The following NECTIN3 variants were observed in gnomAD, a reference collection of about 807,000 sequenced individuals.
NECTIN3 encodes nectin cell adhesion molecule 3.
NECTIN3 carries 8 observed loss-of-function variants against 49.4 expected under a neutral mutation model. That is an observed-to-expected ratio of 0.16 (90% CI 0.10 to 0.29). The LOEUF is 0.29. NECTIN3 is among the 10% of genes least tolerant of loss of function. The pLI is 1.00. For synonymous variants in NECTIN3, 277 were observed against 241.1 expected (o/e 1.15, Z -1.38); for missense variants, 581 against 654.6 (o/e 0.89, Z 1.23).
chr3:111,120,080 C>T (rs995144585), intron 3 of NECTIN3, among the ~76,000 whole-genome samples: 2 of 152,108 alleles, frequency 1.3e-5, no homozygotes, highest in Non-Finnish European at 2.9e-5. Flanking sequence ...TCTGGAGAAT[C>T]GTGTTAAAAT....
intron 7 of NECTIN3, among the ~76,000 whole-genome samples, chr3:111,151,337 A>G (rs911431377): frequency 2.0e-5 from 3 of 151,916 alleles, no homozygotes; most frequent in Admixed American, 6.6e-5. Flanking sequence ...AAATTTCTGC[A>G]TCATTTATAA....
chr3:111,175,400 A>G (rs1157613288), intron 7 of NECTIN3, among the ~76,000 whole-genome samples: 2 of 151,516 alleles, frequency 1.3e-5, no homozygotes, highest in East Asian at 3.9e-4. Context: ...TTCTGTTTGT[A>G]TCAGTACCAT....
chr3:111,156,582 G>T (rs1268865215), intron 7 of NECTIN3, among the ~76,000 whole-genome samples: 1 of 152,084 alleles, frequency 6.6e-6, no homozygotes. Flanking sequence ...AAGTAGTCAT[G>T]ACCACGGTTT....
chr3:111,101,980 G>A (rs1026124765), intron 1 of NECTIN3, among the ~76,000 whole-genome samples: 1 of 152,130 alleles, frequency 6.6e-6, no homozygotes, highest in Non-Finnish European at 1.5e-5. Flanking sequence ...TCAAGGTATA[G>A]CTTAAATGTC....
chr3:111,088,368 G>C (rs2032057031), intron 1 of NECTIN3, among the ~76,000 whole-genome samples: 1 of 152,138 alleles, frequency 6.6e-6, no homozygotes, highest in Non-Finnish European at 1.5e-5. Context: ...TCAGGTATCA[G>C]AATTGTGAGC....
intron 7 of NECTIN3, among the ~76,000 whole-genome samples, chr3:111,150,711 C>CT (rs549708738): frequency 2.0e-4 from 30 of 148,386 alleles, no homozygotes; most frequent in African/African-American, 5.7e-4. Flanking sequence ...TTGCGTGAAG[C>CT]TTTTTTTTTT....
Position 111,135,164 on chromosome 3 carries a change from T to C in NECTIN3, c.*949T>C. On this transcript the variant is annotated 3_prime_UTR_variant, in exon 6 of 6. Coordinates refer to ENST00000485303, the MANE Select transcript of NECTIN3 (RefSeq NM_015480.3). ...ATAGAAAGAATTTTATGGACCATCT[T>C]GTTTTAGTTATTTAATGTTGATGTT... The C allele has an allele frequency of 2.0e-6, 2 of 982,554 alleles. No homozygotes were observed. Among genetic ancestry groups the C allele is most frequent in the Non-Finnish European group, 1.2e-6 (1 of 827,416 alleles). 60.9% of individuals were successfully genotyped at this position (982,554 alleles called of 1,614,324 possible).
intron 2 of NECTIN3, among the ~76,000 whole-genome samples, chr3:111,114,699 G>C (rs2033614580): frequency 1.3e-5 from 2 of 152,152 alleles, no homozygotes; most frequent in South Asian, 4.1e-4. Flanking sequence ...TGGTATTCTA[G>C]GATTGTGATA....
upstream of NECTIN3, among the ~76,000 whole-genome samples, chr3:111,190,321 C>T (rs975349780): frequency 1.2e-4 from 19 of 152,140 alleles, no homozygotes. Context: ...ATAACCTTGA[C>T]ATATGACATC....
intron 3 of NECTIN3, among the ~76,000 whole-genome samples, chr3:111,119,356 G>A (rs528131901): frequency 4.6e-5 from 7 of 152,152 alleles, no homozygotes; most frequent in South Asian, 4.2e-4. Context: ...TTGCTCTGCC[G>A]CCAGGCTGGA....
At chr3:111,169,372 AAAC>A (rs1427212841) in intron 7 of NECTIN3, among the ~76,000 whole-genome samples, 1 of 139,428 alleles carries the variant, frequency 7.2e-6, no homozygotes, top group African/African-American at 2.9e-5. Context: ...TTACAAACGC[AAAC>A]TTTTTTTTTT....
chr3:111,115,695 G>A (rs1446416173), intron 2 of NECTIN3, among the ~76,000 whole-genome samples: 3 of 152,132 alleles, frequency 2.0e-5, no homozygotes, highest in East Asian at 3.9e-4. Context: ...TGGGTCTGGT[G>A]TTTTTGATCA....
intron 4 of NECTIN3, among the ~76,000 whole-genome samples, chr3:111,125,615 CACCTTACA>C (rs2034133086): frequency 6.6e-6 from 1 of 152,132 alleles, no homozygotes; most frequent in African/African-American, 2.4e-5. Context: ...CACAGATGCC[CACCTTACA>C]AGTGAAATTA....
At chr3:111,147,521 T>C (rs1410279350) in intron 7 of NECTIN3, 5 of 1,422,110 alleles carry the variant, frequency 3.5e-6, no homozygotes, top group Admixed American at 2.2e-5. Flanking sequence ...TAATGTAAGA[T>C]ACAATTTAAA....
rs1159672579 is a variant in NECTIN3, at chr3:111,137,033, A to G, written c.*2818A>G. 3 of 978,760 alleles carry G rather than the reference A, an allele frequency of 3.1e-6. No homozygotes were observed. Among genetic ancestry groups the G allele is most frequent in the Non-Finnish European group, 3.6e-6 (3 of 824,152 alleles). The allele number at this position is 978,760 out of a possible 1,614,324, so 60.6% of individuals were successfully genotyped here. On this transcript the variant is annotated 3_prime_UTR_variant, in exon 6 of 6. Coordinates refer to ENST00000485303, the MANE Select transcript of NECTIN3 (RefSeq NM_015480.3). ...AGTGTTGCTTCTAATAGCCATATAC[A>G]GGAAAGTTTTATAAGATAACCCACG...
rs778715436 is a variant in NECTIN3, at chr3:111,193,251, G to A, written c.63+838G>A. On this transcript the variant is annotated intron_variant, in intron 1 of 1. Coordinates refer to the NECTIN3 transcript ENST00000485506. ...CTATGAAGATGAGAATCCAGTTGGGGAAGATGGCATTCAGCAGATGTACCC... is the reference window on the plus strand; with the variant it reads ...CTATGAAGATGAGAATCCAGTTGGGAAAGATGGCATTCAGCAGATGTACCC... 2.8e-5 allele frequency: 43 copies of A among 1,534,906 alleles called. 1 individual carries two copies. In the South Asian group the frequency reaches 4.6e-4, roughly 17 times the overall value.
intron 1 of NECTIN3, among the ~76,000 whole-genome samples, chr3:111,110,813 A>T (rs988452770): frequency 2.0e-5 from 3 of 152,078 alleles, no homozygotes; most frequent in Admixed American, 6.6e-5. Flanking sequence ...TGAGATCCTC[A>T]GTCATCTCTT....
chr3:111,072,631 T>G, intron 1 of NECTIN3: 1 of 1,482,480 alleles, frequency 6.7e-7, no homozygotes, highest in Non-Finnish European at 9.1e-7. Context: ...CCACTTCTCA[T>G]GGCCTTCCAC....
At chr3:111,155,547 G>C (rs1296016125) in intron 7 of NECTIN3, among the ~76,000 whole-genome samples, 1 of 152,194 alleles carries the variant, frequency 6.6e-6, no homozygotes, top group African/African-American at 2.4e-5. Flanking sequence ...TGGACAGAGA[G>C]CTGAACTATT....
Sources: allele counts gnomAD v4.1 joint callset (sites outside exome capture counted in the v4.1 genomes callset), GRCh38; gene constraint gnomAD v4.1.1; transcripts MANE v1.5; gene names NCBI Gene and HGNC (gene_info 2026-07-23, HGNC 2026-07-21).